APP: variants seen among roughly 807,000 people sequenced by gnomAD.
APP encodes amyloid beta precursor protein.
Under a neutral mutation model 101.4 loss-of-function variants are expected in APP, and 31 were observed. That is an observed-to-expected ratio of 0.31 (90% CI 0.23 to 0.41). APP has a LOEUF of 0.41. Ranked by LOEUF, APP falls within the 10% of genes least tolerant of loss-of-function variation. The probability of loss-of-function intolerance (pLI) is 1.00; values close to 1 mark genes in which losing one functional copy is unlikely to be tolerated. For missense variants in APP, 839 were observed against 1,003.7 expected (o/e 0.84, Z 2.22); for synonymous variants, 366 against 364.4 (o/e 1.00, Z -0.05).
At chr21:26,095,304 A>G (rs1383338077) in intron 2 of APP, among the ~76,000 whole-genome samples, 1 of 152,180 alleles carries the variant, frequency 6.6e-6, no homozygotes, top group East Asian at 1.9e-4. Context: ...ATTGCGCACC[A>G]TTCTGAGCAG....
intron 15 of APP, among the ~76,000 whole-genome samples, chr21:25,903,328 C>A (rs1450594558): frequency 1.4e-5 from 2 of 146,486 alleles, no homozygotes; most frequent in African/African-American, 5.1e-5. Flanking sequence ...GAGATCGTGC[C>A]ACTCCACTCC....
At chr21:26,059,622 G>A (rs1395694766) in intron 3 of APP, among the ~76,000 whole-genome samples, 1 of 152,154 alleles carries the variant, frequency 6.6e-6, no homozygotes, top group Non-Finnish European at 1.5e-5. Context: ...CGGGCACAGT[G>A]GCTCAAGTCT....
rs557840634 is a variant in APP, at chr21:26,060,973, C to A, written c.356-7625G>T. Among the ~76,000 whole-genome samples, 4 of 152,234 alleles carry A rather than the reference C, an allele frequency of 2.6e-5. No homozygotes were observed. In the East Asian group the frequency reaches 7.7e-4, roughly 29 times the overall value. ...ACTCTGGCCAGTACTCAGAGTAATG[C>A]TGGAAGGCTCTGGGGTGGTTTTCTA... On this transcript the variant is annotated intron_variant, in intron 3 of 17. Transcript: ENST00000346798.
chr21:25,953,742 G>C (rs951118165), intron 13 of APP, among the ~76,000 whole-genome samples: 1 of 152,192 alleles, frequency 6.6e-6, no homozygotes, highest in Non-Finnish European at 1.5e-5. Context: ...AGAGACTCAT[G>C]TGGTATTTTA....
At chr21:25,905,932 G>A (rs972670270) in intron 14 of APP, among the ~76,000 whole-genome samples, 2 of 114,028 alleles carry the variant, frequency 1.8e-5, no homozygotes, top group African/African-American at 3.6e-5. Context: ...ATTAATAATG[G>A]TCATAGGGTA....
chr21:25,936,871 C>T lies in APP; in HGVS notation c.1687+17719G>A, dbSNP rs116816123. 3.2e-3 allele frequency among the ~76,000 whole-genome samples: 494 copies of T among 152,144 alleles called. 2 individuals carry two copies. Among genetic ancestry groups the T allele is most frequent in the African/African-American group, 0.011 (451 of 41,518 alleles). ...GAGGATTCTGTTTTCTTTCTTTCTT[C>T]GGCTTCTTTTTCTTTTTTTCCTGAA... On this transcript the variant is annotated intron_variant, in intron 13 of 17. Transcript: ENST00000346798.
chr21:26,079,510 CAG>C (rs1343352423), intron 3 of APP, among the ~76,000 whole-genome samples: 2 of 152,140 alleles, frequency 1.3e-5, no homozygotes, highest in Non-Finnish European at 2.9e-5. Context: ...TCAGACATAA[CAG>C]TATTAATTCC....
intron 6 of APP, among the ~76,000 whole-genome samples, chr21:26,017,606 A>C (rs571706430): frequency 0.058 from 5 of 86 alleles, no homozygotes; most frequent in African/African-American, 0.16. Context: ...GTTGCTGAAT[A>C]AATGGAACAT....
chr21:26,093,474 T>C (rs1208017784), intron 2 of APP, among the ~76,000 whole-genome samples: 1 of 152,216 alleles, frequency 6.6e-6, no homozygotes, highest in Non-Finnish European at 1.5e-5. Flanking sequence ...ACGAATTGTT[T>C]GTAGGGTACA....
intron 1 of APP, among the ~76,000 whole-genome samples, chr21:26,119,685 AACAC>A (rs5843212): frequency 4.0e-5 from 6 of 150,412 alleles, no homozygotes; most frequent in Admixed American, 6.6e-5. Context: ...TGCTAGAATG[AACAC>A]ACACACACAC....
chr21:26,040,209 C>T (rs1209811623), intron 5 of APP, among the ~76,000 whole-genome samples: 1 of 152,162 alleles, frequency 6.6e-6, no homozygotes, highest in Non-Finnish European at 1.5e-5. Context: ...GCTGTCATGT[C>T]AGTGCTCAAA....
At chr21:25,926,246 A>G (rs1601423623) in intron 13 of APP, among the ~76,000 whole-genome samples, 1 of 152,220 alleles carries the variant, frequency 6.6e-6, no homozygotes, top group Non-Finnish European at 1.5e-5. Flanking sequence ...GGTTTCCCAG[A>G]AAAGAGCAGC....
chr21:25,981,581 T>C (rs1160538321), intron 9 of APP, among the ~76,000 whole-genome samples: 1 of 152,190 alleles, frequency 6.6e-6, no homozygotes, highest in East Asian at 1.9e-4. Context: ...CAACATCCAG[T>C]GCCTGGTAGC....
intron 8 of APP, among the ~76,000 whole-genome samples, chr21:25,983,112 CA>C (rs1568806153): frequency 6.6e-6 from 1 of 152,062 alleles, no homozygotes; most frequent in Non-Finnish European, 1.5e-5. Flanking sequence ...TGCTAGTTGT[CA>C]AAAAGAAAGT....
At chr21:26,101,137 G>A in intron 2 of APP, among the ~76,000 whole-genome samples, 1 of 109,418 alleles carries the variant, frequency 9.1e-6, no homozygotes, top group Non-Finnish European at 1.7e-5. Context: ...GTCTCACTCT[G>A]TCGCCAGGCT....
chr21:26,065,432 GA>G (rs1371987096), intron 3 of APP, among the ~76,000 whole-genome samples: 1 of 151,842 alleles, frequency 6.6e-6, no homozygotes, highest in Non-Finnish European at 1.5e-5. Flanking sequence ...CTTTTTTTTA[GA>G]AAAAAATATA....
intron 5 of APP, among the ~76,000 whole-genome samples, chr21:26,035,981 G>A (rs975902227): frequency 2.0e-5 from 3 of 152,068 alleles, no homozygotes; most frequent in African/African-American, 7.2e-5. Context: ...CCACATTGAG[G>A]ACTGGGTAGC....
chr21:26,129,672 G>C (rs913855783), intron 1 of APP, among the ~76,000 whole-genome samples: 3 of 152,072 alleles, frequency 2.0e-5, no homozygotes, highest in Non-Finnish European at 4.4e-5. Flanking sequence ...ACGAAGTATA[G>C]ACAATAAGTG....
intron 6 of APP, among the ~76,000 whole-genome samples, chr21:26,016,933 G>A (rs867910454): frequency 2.0e-5 from 1 of 51,122 alleles, no homozygotes; most frequent in Non-Finnish European, 4.0e-5. Context: ...CACTTTGTGG[G>A]GGGCGGGGGG....
Sources: gnomAD v4.1 joint callset for allele counts (sites outside exome capture counted in the v4.1 genomes callset) on GRCh38, gnomAD v4.1.1 for gene constraint, MANE v1.5 for transcripts, NCBI Gene and HGNC (gene_info 2026-07-23, HGNC 2026-07-21) for gene names.